Variants in ASTN2 observed in about 807,000 individuals in gnomAD.
ASTN2 encodes astrotactin-2.
Under a neutral mutation model 139.8 loss-of-function variants are expected in ASTN2, and 54 were observed. That is an observed-to-expected ratio of 0.39 (90% CI 0.31 to 0.48). ASTN2 has a LOEUF of 0.48. Ranked by LOEUF, ASTN2 falls within the 20% of genes least tolerant of loss-of-function variation. The pLI is 0.95. For synonymous variants in ASTN2, 756 were observed against 719.5 expected, an observed-to-expected ratio of 1.05 and a Z score of -0.81; for missense variants, 1,565 against 1,725.1, an observed-to-expected ratio of 0.91 and a Z score of 1.64.
At chr9:117,288,990 A>G (rs1028663514) in intron 2 of ASTN2, among the ~76,000 whole-genome samples, 2 of 152,224 alleles carry the variant, frequency 1.3e-5, no homozygotes, top group African/African-American at 4.8e-5. Context: ...ATAAATGACA[A>G]AAACAAGACA....
intron 2 of ASTN2, among the ~76,000 whole-genome samples, chr9:117,269,866 A>G (rs566294604): frequency 5.2e-4 from 79 of 152,304 alleles, no homozygotes; most frequent in South Asian, 1.9e-3. Flanking sequence ...TACTGTCCCA[A>G]TGGTTTCACT....
rs1333730148 is a variant in ASTN2, at chr9:116,976,193, G to A, written c.1677-5C>T. 1 of 1,612,346 alleles carries A rather than the reference G, an allele frequency of 6.2e-7. No homozygotes were observed. The highest frequency in any genetic ancestry group is 1.1e-5 in the South Asian group (1 of 90,948). ...AGTGTCGTGTAGGGCCAAGGTCTAT[G>A]GGAAGAAGGAGAGGGGAGAGAAGAT... On this transcript the variant is annotated splice_region_variant and splice_polypyrimidine_tract_variant and intron_variant, in intron 8 of 22. Coordinates refer to ENST00000313400, the MANE Select transcript of ASTN2 (RefSeq NM_001365068.1).
intron 2 of ASTN2, among the ~76,000 whole-genome samples, chr9:117,230,675 A>G (rs1832863895): frequency 1.3e-5 from 2 of 152,192 alleles, no homozygotes; most frequent in Admixed American, 6.5e-5. Context: ...TAGTAAGTGA[A>G]CCAAAGAGAT....
At chr9:116,451,419 G>C (rs932653166) in intron 20 of ASTN2, among the ~76,000 whole-genome samples, 2 of 151,702 alleles carry the variant, frequency 1.3e-5, no homozygotes, top group African/African-American at 4.8e-5. Flanking sequence ...ACTAGGTGCT[G>C]GGCATTCTGC....
At chr9:117,207,142 C>T (rs939313369) in intron 3 of ASTN2, among the ~76,000 whole-genome samples, 1 of 152,164 alleles carries the variant, frequency 6.6e-6, no homozygotes, top group Admixed American at 6.5e-5. Flanking sequence ...TCCTGGTGGG[C>T]ACACACCTGA....
Position 116,559,855 on chromosome 9 carries a change from TG to T in ASTN2, c.3355+58468del, listed in dbSNP as rs1182380275. The stretch of plus-strand genomic sequence containing the variant: ...TATATTACTCTGCCTTCTTATTCCT[TG>T]AACTATTAATATGAGCCAGGAGCAT... On this transcript the variant is annotated intron_variant, in intron 19 of 22. Coordinates refer to ENST00000313400, the MANE Select transcript of ASTN2 (RefSeq NM_001365068.1). Among the ~76,000 whole-genome samples, 3 of 152,328 alleles carry T rather than the reference TG, an allele frequency of 2.0e-5. No individual in the cohort carries two copies. In the East Asian group the frequency reaches 5.8e-4, roughly 29 times the overall value.
intron 16 of ASTN2, among the ~76,000 whole-genome samples, chr9:116,678,553 A>T (rs1859642525): frequency 6.6e-6 from 1 of 152,168 alleles, no homozygotes; most frequent in Non-Finnish European, 1.5e-5. Flanking sequence ...TCTAGTTCAG[A>T]GGGTTTTAAA....
At chr9:117,124,324 GA>G (rs551134517) in intron 4 of ASTN2, among the ~76,000 whole-genome samples, 1 of 151,996 alleles carries the variant, frequency 6.6e-6, no homozygotes, top group Non-Finnish European at 1.5e-5. Context: ...CCACATTCCT[GA>G]ATTTCATTTA....
chr9:116,601,190 C>T (rs368638965), intron 19 of ASTN2, among the ~76,000 whole-genome samples: 4 of 152,034 alleles, frequency 2.6e-5, no homozygotes, highest in East Asian at 3.9e-4. Flanking sequence ...ATTGTACAGA[C>T]CCAAGTGGGA....
At chr9:116,618,543 T>G in intron 18 of ASTN2, 71 bp from the exon 19 acceptor site, 1 of 1,497,490 alleles carries the variant, frequency 6.7e-7, no homozygotes, top group Middle Eastern at 2.3e-4. Flanking sequence ...AATCCGCATG[T>G]GTCAAGATGA....
chr9:116,726,048 G>A (rs1250987651), intron 15 of ASTN2, 98 bp from the exon 16 acceptor site: 11 of 1,213,880 alleles, frequency 9.1e-6, no homozygotes, highest in African/African-American at 1.5e-5. Context: ...TGTATTTTGT[G>A]CCTTACCCCT....
intron 17 of ASTN2, among the ~76,000 whole-genome samples, chr9:116,626,955 G>A (rs1012464887): frequency 8.5e-5 from 13 of 152,204 alleles, no homozygotes; most frequent in Admixed American, 3.3e-4. Flanking sequence ...CATAATTGCT[G>A]CAGAAGATTC....
intron 4 of ASTN2, among the ~76,000 whole-genome samples, chr9:117,136,675 T>G (rs754771942): frequency 1.3e-5 from 2 of 152,108 alleles, no homozygotes; most frequent in Non-Finnish European, 2.9e-5. Flanking sequence ...GGAATCTGGA[T>G]GAGGGACAAT....
At chr9:116,463,386 G>C (rs1448595719) in intron 20 of ASTN2, among the ~76,000 whole-genome samples, 1 of 152,092 alleles carries the variant, frequency 6.6e-6, no homozygotes, top group South Asian at 2.1e-4. Context: ...GGTTCACAAA[G>C]GGATTTGACA....
At chr9:117,131,600 C>T (rs1414697167) in intron 4 of ASTN2, among the ~76,000 whole-genome samples, 1 of 152,038 alleles carries the variant, frequency 6.6e-6, no homozygotes, top group East Asian at 1.9e-4. Flanking sequence ...GTACATTTAC[C>T]ATATTCTCTC....
chr9:116,536,411 C>T (rs1209647048), intron 19 of ASTN2, among the ~76,000 whole-genome samples: 1 of 152,164 alleles, frequency 6.6e-6, no homozygotes, highest in Non-Finnish European at 1.5e-5. Context: ...AGCTGCGTTC[C>T]TTTGGAGGTG....
At chr9:116,573,105 G>A (rs1853590000) in intron 19 of ASTN2, among the ~76,000 whole-genome samples, 1 of 152,120 alleles carries the variant, frequency 6.6e-6, no homozygotes, top group South Asian at 2.1e-4. Context: ...TGGGGTTTGA[G>A]AATATACACA....
chr9:117,000,238 T>C (rs553039384), intron 7 of ASTN2, among the ~76,000 whole-genome samples: 1 of 152,310 alleles, frequency 6.6e-6, no homozygotes, highest in South Asian at 2.1e-4. Flanking sequence ...TTTTTAGTTA[T>C]AAAAAATAAG....
intron 5 of ASTN2, among the ~76,000 whole-genome samples, chr9:117,062,057 C>A (rs977104688): frequency 2.0e-5 from 3 of 152,176 alleles, no homozygotes; most frequent in Admixed American, 2.0e-4. Flanking sequence ...GGATCTCACG[C>A]AAGGTTTGAA....
Sources: gnomAD v4.1 joint callset for allele counts (sites outside exome capture counted in the v4.1 genomes callset) on GRCh38, gnomAD v4.1.1 for gene constraint, MANE v1.5 for transcripts, NCBI Gene and HGNC (gene_info 2026-07-23, HGNC 2026-07-21) for gene names.